Variants in CTNNBL1 observed in about 807,000 individuals in gnomAD.
CTNNBL1 encodes beta-catenin-like protein 1.
A neutral mutation model predicts 72.7 loss-of-function variants in CTNNBL1; 31 were observed. The observed-to-expected ratio is 0.43, with a 90% CI of 0.32 to 0.58. The LOEUF is 0.58. Ranked by LOEUF, CTNNBL1 falls within the 20% of genes least tolerant of loss-of-function variation. The pLI, the probability that CTNNBL1 is intolerant of heterozygous loss-of-function variation, is 0.08. For synonymous variants in CTNNBL1, 240 were observed against 267.3 expected (o/e 0.90, Z 1.00); for missense variants, 534 against 725.1 (o/e 0.74, Z 3.03).
At chr20:37,735,722 T>A (rs560013730) in intron 2 of CTNNBL1, among the ~76,000 whole-genome samples, 3 of 152,280 alleles carry the variant, frequency 2.0e-5, no homozygotes, top group African/African-American at 7.2e-5. Context: ...TATGGGTAGC[T>A]CCCACTTAAA....
At chr20:37,793,920 A>C (rs897312280) in intron 10 of CTNNBL1, among the ~76,000 whole-genome samples, 1 of 152,140 alleles carries the variant, frequency 6.6e-6, no homozygotes, top group African/African-American at 2.4e-5. Flanking sequence ...AGCTGGGACT[A>C]CAGGCATGTG....
At chr20:37,818,718 A>G (rs2122766239) in intron 11 of CTNNBL1, among the ~76,000 whole-genome samples, 1 of 152,354 alleles carries the variant, frequency 6.6e-6, no homozygotes, top group South Asian at 2.1e-4. Context: ...AATCACAGGA[A>G]TCAGAATAAC....
At chr20:37,826,339 A>G (rs1312014939) in intron 11 of CTNNBL1, among the ~76,000 whole-genome samples, 1 of 152,248 alleles carries the variant, frequency 6.6e-6, no homozygotes, top group Non-Finnish European at 1.5e-5. Flanking sequence ...GGGAACAGTG[A>G]AAACAAGTGA....
intron 1 of CTNNBL1, among the ~76,000 whole-genome samples, chr20:37,724,747 C>T (rs1476589984): frequency 1.3e-5 from 2 of 152,112 alleles, no homozygotes; most frequent in African/African-American, 4.8e-5. Context: ...AGTACATAAT[C>T]TCTGTCTCCC....
intron 1 of CTNNBL1, among the ~76,000 whole-genome samples, chr20:37,699,525 C>A (rs2122537792): frequency 6.6e-6 from 1 of 152,294 alleles, no homozygotes; most frequent in East Asian, 1.9e-4. Flanking sequence ...AGGTAGTTTT[C>A]CATTTTGTTT....
chr20:37,828,950 A>T (rs912172267), intron 11 of CTNNBL1, among the ~76,000 whole-genome samples: 1 of 152,082 alleles, frequency 6.6e-6, no homozygotes, highest in Non-Finnish European at 1.5e-5. Flanking sequence ...TTGATTTGAC[A>T]GGGCCTCCTG....
intron 13 of CTNNBL1, among the ~76,000 whole-genome samples, chr20:37,844,549 G>A (rs1426534736): frequency 6.6e-6 from 1 of 152,166 alleles, no homozygotes; most frequent in African/African-American, 2.4e-5. Flanking sequence ...TTCTAGCTCT[G>A]AGATTTTGGA....
rs1256738430 is a variant in CTNNBL1 at position 37,737,368 on chromosome 20, T to G, written c.220-10T>G. 37 of 1,604,306 alleles carry G rather than the reference T, an allele frequency of 2.3e-5. No individual in the cohort carries two copies. The highest frequency in any genetic ancestry group is 3.2e-5 in the Non-Finnish European group (37 of 1,172,292). The stretch of plus-strand genomic sequence containing the variant: ...GGACTGAAGTTTTTGCATTTGTCTC[T>G]TTGTACCAGGAGGAGCCATTGGATG... On this transcript the variant is annotated splice_polypyrimidine_tract_variant and intron_variant, in intron 2 of 15. Coordinates refer to ENST00000361383, the MANE Select transcript of CTNNBL1 (RefSeq NM_030877.5).
At chr20:37,768,904 G>A (rs572517562) in intron 7 of CTNNBL1, among the ~76,000 whole-genome samples, 28 of 152,084 alleles carry the variant, frequency 1.8e-4, no homozygotes, top group Middle Eastern at 6.8e-3. Context: ...TCAGCTTCCC[G>A]AGTAGCTGGG....
rs1274901489 is a variant in CTNNBL1 at position 37,767,897 on chromosome 20, G to T, written c.659-56G>T. On this transcript the variant is annotated intron_variant, in intron 6 of 15. Transcript: ENST00000361383. ...CATGCCTGTCATGGGAAGCAAGCTTGTTGCAGATGGAAACAAAGTTGTCCT... is the reference window on the plus strand; with the variant it reads ...CATGCCTGTCATGGGAAGCAAGCTTTTTGCAGATGGAAACAAAGTTGTCCT... 2.8e-6 allele frequency: 4 copies of T among 1,405,068 alleles called. No individual in the cohort carries two copies. The African/African-American group carries it at 5.7e-5, about 20-fold the overall frequency. The allele number at this position is 1,405,068 out of a possible 1,614,324, so 87.0% of individuals were successfully genotyped here.
At chr20:37,812,819 T>C (rs2072023574) in intron 11 of CTNNBL1, among the ~76,000 whole-genome samples, 2 of 152,106 alleles carry the variant, frequency 1.3e-5, no homozygotes, top group African/African-American at 4.8e-5. Flanking sequence ...CACAGAAACC[T>C]GCATTTATGT....
intron 1 of CTNNBL1, among the ~76,000 whole-genome samples, chr20:37,727,965 G>A (rs541484939): frequency 4.8e-4 from 73 of 152,286 alleles, no homozygotes; most frequent in African/African-American, 1.6e-3. Flanking sequence ...TCTTGGTCAG[G>A]GTGTTGAGTT....
intron 3 of CTNNBL1, among the ~76,000 whole-genome samples, chr20:37,740,055 T>C (rs578260910): frequency 1.2e-4 from 19 of 152,210 alleles, no homozygotes; most frequent in Non-Finnish European, 2.8e-4. Flanking sequence ...GGTACCTTAG[T>C]GTTACAGTTC....
chr20:37,697,286 G>A (rs776336432), intron 1 of CTNNBL1, among the ~76,000 whole-genome samples: 3 of 152,186 alleles, frequency 2.0e-5, no homozygotes, highest in Non-Finnish European at 2.9e-5. Context: ...ACCCCTGGGA[G>A]TTGGGGACAG....
intron 1 of CTNNBL1, among the ~76,000 whole-genome samples, chr20:37,702,986 T>G (rs1017230283): frequency 6.6e-6 from 1 of 152,250 alleles, no homozygotes; most frequent in African/African-American, 2.4e-5. Flanking sequence ...CATGTCAGAC[T>G]TCAAGAAAAT....
At chr20:37,752,076 A>G (rs1191312669) in intron 4 of CTNNBL1, among the ~76,000 whole-genome samples, 2 of 152,202 alleles carry the variant, frequency 1.3e-5, no homozygotes, top group African/African-American at 4.8e-5. Flanking sequence ...ACAAACAGAC[A>G]AACACACAAA....
At chr20:37,779,585 A>G (rs1003148902) in intron 10 of CTNNBL1, among the ~76,000 whole-genome samples, 6 of 151,652 alleles carry the variant, frequency 4.0e-5, no homozygotes, top group Non-Finnish European at 7.4e-5. Context: ...TAATACGTCC[A>G]CTCCATTGAA....
chr20:37,730,298 G>A (rs562190480), intron 1 of CTNNBL1, among the ~76,000 whole-genome samples: 1 of 152,200 alleles, frequency 6.6e-6, no homozygotes, highest in Admixed American at 6.5e-5. Flanking sequence ...GCTGGTGGGT[G>A]TGATTACTAT....
chr20:37,783,959 C>G (rs1424104191), intron 10 of CTNNBL1, among the ~76,000 whole-genome samples: 1 of 152,154 alleles, frequency 6.6e-6, no homozygotes, highest in East Asian at 1.9e-4. Context: ...GTGTTGAAGT[C>G]TCCAGCTTTT....
Sources: allele counts gnomAD v4.1 joint callset (sites outside exome capture counted in the v4.1 genomes callset), GRCh38; gene constraint gnomAD v4.1.1; transcripts MANE v1.5; gene names NCBI Gene and HGNC (gene_info 2026-07-23, HGNC 2026-07-21).